The following PCDHGB4 variants were observed in gnomAD, a reference collection of about 807,000 sequenced individuals.
The protein encoded by PCDHGB4 is protocadherin gamma-B4.
PCDHGB4 carries 38 observed loss-of-function variants against 60.5 expected under a neutral mutation model. That is an observed-to-expected ratio of 0.63 (90% CI 0.48 to 0.82). The LOEUF is 0.82. PCDHGB4 is among the 40% of genes least tolerant of loss of function. The pLI is 0.00. For missense variants in PCDHGB4, 1,109 were observed against 1,209.6 expected, an observed-to-expected ratio of 0.92 and a Z score of 1.23; for synonymous variants, 456 against 509.7, an observed-to-expected ratio of 0.89 and a Z score of 1.42.
chr5:141,409,041 A>G lies in PCDHGB4; in HGVS notation c.2397+18760A>G, dbSNP rs981171621. On this transcript the variant is annotated intron_variant, in intron 1 of 3. Coordinates refer to ENST00000519479, the MANE Select transcript of PCDHGB4 (RefSeq NM_003736.4). ...GGGGTCAATGCTGAGATAAACTACT[A>G]CTTCCGAAGCACTGCCCAGAGCACA... The G allele has an allele frequency of 8.7e-6, 14 of 1,613,864 alleles. No homozygotes were observed. Among genetic ancestry groups the G allele is most frequent in the Non-Finnish European group, 7.6e-6 (9 of 1,179,894 alleles).
intron 1 of PCDHGB4, among the ~76,000 whole-genome samples, chr5:141,448,917 C>T (rs913804081): frequency 2.6e-5 from 4 of 152,130 alleles, no homozygotes; most frequent in African/African-American, 9.7e-5. Context: ...TGCACTCCAG[C>T]CTGGGCGACA....
rs376466215 is a variant in PCDHGB4, at chr5:141,390,102, A to G, written c.2218A>G (p.Asn740Asp). The part of the protein sequence containing the change: ...CVKSESVVPP[N>D]YSEGTLPYSY... ...TAAATCCGAATCCGTGGTTCCCCCC[A>G]ACTACAGCGAGGGGACTTTGCCTTA... is the stretch of plus-strand genomic sequence containing the variant. Residue 740 changes from asparagine (N) to aspartate (D), a missense_variant, in exon 1 of 4, where the codon AAC (asparagine) becomes GAC (aspartate). By Grantham distance (23) the Asn-to-Asp change is conservative. This residue lies in a region of PCDHGB4 where 1,068 missense variants were observed against 1,089.9 expected (regional missense o/e 0.98). Transcript: ENST00000519479. The G allele has an allele frequency of 4.3e-6, 7 of 1,613,886 alleles. No homozygotes were observed. The African/African-American group carries it at 6.7e-5, about 15-fold the overall frequency.
intron 1 of PCDHGB4, among the ~76,000 whole-genome samples, chr5:141,453,360 C>T (rs966238012): frequency 6.6e-6 from 1 of 152,000 alleles, no homozygotes; most frequent in Non-Finnish European, 1.5e-5. Context: ...CCCTGAACTC[C>T]TGGGGTCAAG....
intron 1 of PCDHGB4, chr5:141,415,308 C>G (rs2154545628): frequency 6.2e-7 from 1 of 1,614,236 alleles, no homozygotes; most frequent in Non-Finnish European, 8.5e-7. Context: ...TCCTGGCCTT[C>G]GTCATCGTGC....
chr5:141,431,868 A>G lies in PCDHGB4; in HGVS notation c.2397+41587A>G, dbSNP rs755283039. On this transcript the variant is annotated intron_variant, in intron 1 of 3. Coordinates refer to ENST00000519479, the MANE Select transcript of PCDHGB4 (RefSeq NM_003736.4). This position sits in a 1 kb window ranked among gnomAD's most constrained non-coding sequence, Gnocchi z 4.8. ...AGAGGGACATTAATTGCCCTTTTAAATGTAAATGACCAAGATTCTGAGGAA... is the reference window on the plus strand; with the variant it reads ...AGAGGGACATTAATTGCCCTTTTAAGTGTAAATGACCAAGATTCTGAGGAA... 4.3e-6 allele frequency: 7 copies of G among 1,614,102 alleles called. No individual in the cohort carries two copies. In the South Asian group the frequency reaches 6.6e-5, roughly 15 times the overall value.
chr5:141,439,625 CCA>C (rs1281773200), intron 1 of PCDHGB4, among the ~76,000 whole-genome samples: 1 of 152,150 alleles, frequency 6.6e-6, no homozygotes, highest in African/African-American at 2.4e-5. Flanking sequence ...GAGCCAATCC[CCA>C]GACATTCCGG....
At chr5:141,429,169 T>TACATACACACACACACAC (rs369570830) in intron 1 of PCDHGB4, 115 of 145,474 alleles carry the variant, frequency 7.9e-4, no homozygotes, top group African/African-American at 2.1e-3. Flanking sequence ...ACATTGTTTA[T>TACATACACACACACACAC]ACACACACAC....
Position 141,491,889 on chromosome 5 carries a change from C to T in PCDHGB4, c.2398-2918C>T, listed in dbSNP as rs2099734763. On this transcript the variant is annotated intron_variant, in intron 1 of 3. Transcript: ENST00000519479. The surrounding 1 kb of genome is among the most constrained non-coding windows in gnomAD (Gnocchi z 6.9). ...GAGTGGCCGATTAAGGGATGGGGCT[C>T]CGAGCACCGGGGGTGGTGGCGACTG... 11 of 1,441,360 alleles carry T rather than the reference C, an allele frequency of 7.6e-6. No individual in the cohort carries two copies. Among genetic ancestry groups the T allele is most frequent in the Non-Finnish European group, 1.0e-5 (11 of 1,090,600 alleles). 89.3% of individuals were successfully genotyped at this position (1,441,360 alleles called of 1,614,324 possible).
chr5:141,469,581 A>G (rs543624370), intron 1 of PCDHGB4, among the ~76,000 whole-genome samples: 1 of 152,340 alleles, frequency 6.6e-6, no homozygotes, highest in Admixed American at 6.5e-5. Flanking sequence ...CTCTAAATAA[A>G]TAAATAAATA....
intron 1 of PCDHGB4, among the ~76,000 whole-genome samples, chr5:141,453,121 G>A (rs62379169): frequency 4.7e-4 from 71 of 151,818 alleles, no homozygotes; most frequent in Non-Finnish European, 8.4e-4. Flanking sequence ...GTTTTGTTTT[G>A]TTTTGTTTTT....
At chr5:141,395,648 T>G (rs2093296043) in intron 1 of PCDHGB4, 1 of 167,156 alleles carries the variant, frequency 6.0e-6, no homozygotes, top group South Asian at 1.9e-4. Context: ...GTTATTAGCT[T>G]AGCAAAAGTA....
In PCDHGB4 at chr5:141,489,120, G is replaced by C; in HGVS notation, c.2398-5687G>C. The C allele has an allele frequency of 1.1e-5, 5 of 445,662 alleles. No homozygotes were observed. Among genetic ancestry groups the C allele is most frequent in the East Asian group, 3.8e-5 (1 of 26,010 alleles). The allele number at this position is 445,662 out of a possible 1,614,324, so 27.6% of individuals were successfully genotyped here. ...AACTGCTGCAAGCAGGCAAACCTCC[G>C]AGCAGTTTTTAAGAGGCTGGAAGGA... On this transcript the variant is annotated intron_variant, in intron 1 of 3. Transcript: ENST00000519479. This position sits in a 1 kb window ranked among gnomAD's most constrained non-coding sequence, Gnocchi z 4.5.
chr5:141,437,388 C>T (rs1434464979), intron 1 of PCDHGB4, among the ~76,000 whole-genome samples: 1 of 152,186 alleles, frequency 6.6e-6, no homozygotes, highest in Non-Finnish European at 1.5e-5. Context: ...AGACATTCAT[C>T]CACTGCTTTC....
In PCDHGB4 at chr5:141,432,293, G is replaced by A; in HGVS notation, c.2397+42012G>A. On this transcript the variant is annotated intron_variant, in intron 1 of 3. Transcript: ENST00000519479. The surrounding 1 kb of genome is among the most constrained non-coding windows in gnomAD (Gnocchi z 6.0). ...CTACGTGTCCATCAACTCCGACACT[G>A]GGGTACTGTATGCGCTGAGCTCCTT... 1 of 1,614,254 alleles carries A rather than the reference G, an allele frequency of 6.2e-7. No homozygotes were observed. Among genetic ancestry groups the A allele is most frequent in the Non-Finnish European group, 8.5e-7 (1 of 1,180,040 alleles).
At chr5:141,409,290 G>A in intron 1 of PCDHGB4, 1 of 1,613,974 alleles carries the variant, frequency 6.2e-7, no homozygotes. Context: ...TCACCTCCAG[G>A]AATGGTTGTT....
chr5:141,503,181 A>C (rs532503504), intron 2 of PCDHGB4, among the ~76,000 whole-genome samples: 54 of 152,060 alleles, frequency 3.6e-4, no homozygotes, highest in African/African-American at 1.3e-3. Context: ...TCTATTGTGT[A>C]ATTATTTAAA....
rs2099425622 is a variant in PCDHGB4, at chr5:141,477,947, T to C, written c.2398-16860T>C. Reference sequence around the variant, plus strand: ...CAATGCCTGGCTCTCCTACAGTCTCTTGGGATCCCCTAACCAGAGCCTTTT... The same window carrying C: ...CAATGCCTGGCTCTCCTACAGTCTCCTGGGATCCCCTAACCAGAGCCTTTT... On this transcript the variant is annotated intron_variant, in intron 1 of 3. Coordinates refer to ENST00000519479, the MANE Select transcript of PCDHGB4 (RefSeq NM_003736.4). The surrounding 1 kb of genome is among the most constrained non-coding windows in gnomAD (Gnocchi z 4.9). 1.9e-6 allele frequency: 3 copies of C among 1,614,132 alleles called. No homozygotes were observed. Among genetic ancestry groups the C allele is most frequent in the Non-Finnish European group, 2.5e-6 (3 of 1,180,018 alleles).
chr5:141,476,016 G>A lies in PCDHGB4; in HGVS notation c.2398-18791G>A. 7.4e-7 allele frequency: 1 copy of A among 1,359,386 alleles called. No individual in the cohort carries two copies. 84.2% of individuals were successfully genotyped at this position (1,359,386 alleles called of 1,614,324 possible). A position where few individuals can be genotyped will look rare whatever the true frequency, so the allele number is the denominator to read the frequency against. On this transcript the variant is annotated intron_variant, in intron 1 of 3. Coordinates refer to ENST00000519479, the MANE Select transcript of PCDHGB4 (RefSeq NM_003736.4). This position sits in a 1 kb window ranked among gnomAD's most constrained non-coding sequence, Gnocchi z 7.6. ...TCAACGGCATCCAGAAAGCCATGTC[G>A]GACTCGGCGCCCAGCGCCCAAGCGC...
chr5:141,475,947 C>A, intron 1 of PCDHGB4: 1 of 748,120 alleles, frequency 1.3e-6, no homozygotes, highest in Non-Finnish European at 2.1e-6. Context: ...CGTCCCCTTT[C>A]TGCGCCCCGG....
Sources: allele counts gnomAD v4.1 joint callset (sites outside exome capture counted in the v4.1 genomes callset), GRCh38; gene constraint gnomAD v4.1.1; regional missense constraint gnomAD v4.1.1; non-coding constraint Gnocchi (gnomAD v3.1); transcripts MANE v1.5; gene names NCBI Gene and HGNC (gene_info 2026-07-23, HGNC 2026-07-21).